Variants in AKAP12 observed in about 807,000 individuals in gnomAD.
AKAP12 encodes A-kinase anchoring protein 12, also known as A-kinase anchor protein 12.
In AKAP12, 32 loss-of-function variants were observed where a neutral mutation model predicts 79.9. The observed-to-expected ratio is 0.40, with a 90% CI of 0.30 to 0.54. The LOEUF (loss-of-function observed/expected upper bound fraction) is 0.54, where lower values mean the gene tolerates loss of function less well. Ranked by LOEUF, AKAP12 falls within the 20% of genes least tolerant of loss-of-function variation. AKAP12 has a pLI of 0.48. For synonymous variants in AKAP12, 808 were observed against 857.0 expected, an observed-to-expected ratio of 0.94 and a Z score of 1.00; for missense variants, 2,074 against 2,177.0, an observed-to-expected ratio of 0.95 and a Z score of 0.94.
chr6:151,353,566 A>G lies in AKAP12; in HGVS notation c.5175A>G (p.Lys1725=). The G allele has an allele frequency of 6.2e-7, 1 of 1,614,202 alleles. No homozygotes were observed. The highest frequency in any genetic ancestry group is 8.5e-7 in the Non-Finnish European group (1 of 1,180,020). Residue 1725 remains lysine (K), a synonymous_variant, in exon 4 of 5, where the codon AAA becomes AAG. Transcript: ENST00000402676. ...ADTDASGGLT[K]ESPDTNGPKQ... ...CTGATGCCTCAGGAGGCTTAACCAA[A>G]GAGTCCCCAGATACAAATGGACCAA...
intron 2 of AKAP12, among the ~76,000 whole-genome samples, chr6:151,297,966 G>C (rs1475489052): frequency 1.3e-5 from 2 of 152,108 alleles, no homozygotes; most frequent in East Asian, 1.9e-4. Context: ...TTTAGAAAGA[G>C]AATTTCCCCC....
intron 3 of AKAP12, among the ~76,000 whole-genome samples, chr6:151,328,013 A>G (rs1183936789): frequency 1.3e-5 from 2 of 152,236 alleles, no homozygotes; most frequent in African/African-American, 4.8e-5. Context: ...AGAATCTTGA[A>G]AAGCCATGAG....
chr6:151,351,276 G>C lies in AKAP12; in HGVS notation c.2885G>C (p.Gly962Ala). ...EPLPENREAR[G>A]DTVVSEAELT... ...CTGCCAGAGAACAGAGAGGCCCGGG[G>C]CGACACGGTCGTTAGTGAGGCGGAA... is the stretch of plus-strand genomic sequence containing the variant. The change falls in exon 4 of 5, where the codon GGC (glycine) becomes GCC (alanine). Residue 962 changes from glycine (G) to alanine (A), a missense_variant. Physicochemically the swap from Gly to Ala is moderately conservative, Grantham distance 60. Transcript: ENST00000402676. The surrounding 1 kb of genome is among the most constrained non-coding windows in gnomAD (Gnocchi z 4.4). The C allele has an allele frequency of 2.5e-6, 4 of 1,614,228 alleles. No homozygotes were observed. The highest frequency in any genetic ancestry group is 2.5e-6 in the Non-Finnish European group (3 of 1,180,046).
At chr6:151,277,483 T>C (rs2114719475) in intron 2 of AKAP12, among the ~76,000 whole-genome samples, 1 of 152,312 alleles carries the variant, frequency 6.6e-6, no homozygotes, top group South Asian at 2.1e-4. Context: ...ATAGGAGAAC[T>C]TTGTAGAACT....
intron 3 of AKAP12, among the ~76,000 whole-genome samples, chr6:151,306,349 C>T (rs551044149): frequency 1.3e-5 from 2 of 152,050 alleles, no homozygotes; most frequent in Non-Finnish European, 2.9e-5. Context: ...TAGAGATCTT[C>T]GAGGAATGGT....
At chr6:151,307,134 A>T (rs1232308865) in intron 3 of AKAP12, among the ~76,000 whole-genome samples, 1 of 152,202 alleles carries the variant, frequency 6.6e-6, no homozygotes, top group African/African-American at 2.4e-5. Context: ...GATGTGTGTA[A>T]ACAAGGAATG....
chr6:151,283,938 A>C (rs9397384), intron 2 of AKAP12, among the ~76,000 whole-genome samples: 12,364 of 152,230 alleles, frequency 0.081, 684 homozygotes, highest in East Asian at 0.18. Context: ...ACACAGCAGC[A>C]GCCTTCCTGC....
rs145290730 is a variant in AKAP12, at chr6:151,301,181, C to G, written c.163-4566C>G. ...TGTCCCATGTGCCACTATGTTGTGT[C>G]TGCATCTTTCAGGGTCTCTCTGGGC... On this transcript the variant is annotated intron_variant, in intron 2 of 4. Coordinates refer to ENST00000402676, the MANE Select transcript of AKAP12 (RefSeq NM_005100.4). 3.6e-3 allele frequency among the ~76,000 whole-genome samples: 544 copies of G among 152,268 alleles called. 2 individuals are homozygous for G. Among genetic ancestry groups the G allele is most frequent in the African/African-American group, 0.012 (519 of 41,552 alleles).
intron 2 of AKAP12, among the ~76,000 whole-genome samples, chr6:151,287,882 C>G (rs891446532): frequency 6.6e-6 from 1 of 152,110 alleles, no homozygotes; most frequent in African/African-American, 2.4e-5. Flanking sequence ...TACTATGCAG[C>G]CATAAGAAAG....
At chr6:151,294,033 G>A (rs866991190) in intron 2 of AKAP12, among the ~76,000 whole-genome samples, 1 of 151,862 alleles carries the variant, frequency 6.6e-6, no homozygotes, top group Non-Finnish European at 1.5e-5. Flanking sequence ...GAGCACAGGG[G>A]CGCAATCTCG....
chr6:151,325,440 A>G (rs893768491), intron 3 of AKAP12: 6 of 985,300 alleles, frequency 6.1e-6, no homozygotes, highest in African/African-American at 1.7e-5. Flanking sequence ...AGCACCCTTT[A>G]AACCCTCCCG....
intron 2 of AKAP12, among the ~76,000 whole-genome samples, chr6:151,302,146 G>A (rs113362660): frequency 0.15 from 21,990 of 151,624 alleles, 1,836 homozygotes; most frequent in Middle Eastern, 0.23. Flanking sequence ...TAGTAGCTGG[G>A]ATTATAGGCG....
At chr6:151,262,026 A>T (rs1258999824) in intron 2 of AKAP12, among the ~76,000 whole-genome samples, 1 of 151,984 alleles carries the variant, frequency 6.6e-6, no homozygotes, top group African/African-American at 2.4e-5. Context: ...GAATGGCGAG[A>T]TCTTGAACCG....
Position 151,352,670 on chromosome 6 carries a change from G to A in AKAP12, c.4279G>A (p.Glu1427Lys). Residue 1427 changes from glutamate to lysine, a missense_variant, in exon 4 of 5, where the codon GAG (glutamate) becomes AAG (lysine). Transcript: ENST00000402676. ...ATTCACTCTAACAGCGGCTGCAGAG[G>A]AGGAAAAGGTCTTAGGAGAAACTGC... ...ASFTLTAAAE[E>K]EKVLGETANI... is the part of the protein sequence containing the mutation. The A allele has an allele frequency of 1.2e-6, 2 of 1,614,224 alleles. No individual in the cohort carries two copies. The highest frequency in any genetic ancestry group is 2.2e-5 in the East Asian group (1 of 44,888).
At chr6:151,282,400 G>A (rs564791543) in intron 2 of AKAP12, among the ~76,000 whole-genome samples, 50 of 152,162 alleles carry the variant, frequency 3.3e-4, no homozygotes, top group Middle Eastern at 3.4e-3. Flanking sequence ...GTGAGCCACC[G>A]TGCCCAGCCT....
chr6:151,266,184 G>A (rs924985699), intron 2 of AKAP12, among the ~76,000 whole-genome samples: 9 of 152,164 alleles, frequency 5.9e-5, no homozygotes, highest in African/African-American at 1.7e-4. Flanking sequence ...AAGTGAAGAC[G>A]GACATCTCAA....
chr6:151,275,238 T>C (rs1776270384), intron 2 of AKAP12, among the ~76,000 whole-genome samples: 1 of 152,184 alleles, frequency 6.6e-6, no homozygotes, highest in Admixed American at 6.5e-5. Context: ...CCGTTTTTCT[T>C]CCCAGCTCTT....
chr6:151,307,863 A>C (rs1777007700), intron 3 of AKAP12, among the ~76,000 whole-genome samples: 1 of 151,926 alleles, frequency 6.6e-6, no homozygotes, highest in Non-Finnish European at 1.5e-5. Flanking sequence ...GGTGATTTTT[A>C]TTTTTTATTT....
At chr6:151,263,674 G>A (rs1004321323) in intron 2 of AKAP12, among the ~76,000 whole-genome samples, 1 of 152,076 alleles carries the variant, frequency 6.6e-6, no homozygotes, top group African/African-American at 2.4e-5. Context: ...CGCCTCCTGG[G>A]TTCAAGCAAT....
Sources: gnomAD v4.1 joint callset for allele counts (sites outside exome capture counted in the v4.1 genomes callset) on GRCh38, gnomAD v4.1.1 for gene constraint, Gnocchi (gnomAD v3.1) non-coding constraint, MANE v1.5 for transcripts, NCBI Gene and HGNC (gene_info 2026-07-23, HGNC 2026-07-21) for gene names.